SLC16A12: variants seen among roughly 807,000 people sequenced by gnomAD.
The protein encoded by SLC16A12 is monocarboxylate transporter 12.
A neutral mutation model predicts 42.4 loss-of-function variants in SLC16A12; 17 were observed. The observed-to-expected ratio is 0.40, with a 90% CI of 0.27 to 0.60. The LOEUF is 0.60. SLC16A12 is among the 20% of genes least tolerant of loss of function. The pLI is 0.42. For synonymous variants in SLC16A12, 224 were observed against 229.4 expected, an observed-to-expected ratio of 0.98 and a Z score of 0.21; for missense variants, 544 against 623.0, an observed-to-expected ratio of 0.87 and a Z score of 1.35.
intron 2 of SLC16A12, 138 bp from the exon 3 acceptor site, chr10:89,462,762 C>A: frequency 1.0e-6 from 1 of 952,870 alleles, no homozygotes. Context: ...CTGGGGCAGA[C>A]TATTTGTTGT....
chr10:89,504,938 T>C (rs1298723765), intron 2 of SLC16A12, among the ~76,000 whole-genome samples: 1 of 151,922 alleles, frequency 6.6e-6, no homozygotes, highest in Non-Finnish European at 1.5e-5. Context: ...CCAGGGAGCA[T>C]AAGTCTCAAG....
rs182083070 is a variant in SLC16A12, at chr10:89,522,641, T to G, written c.-47+11860A>C. Among the ~76,000 whole-genome samples, 236 of 152,284 alleles carry G rather than the reference T, an allele frequency of 1.5e-3. 1 individual carries two copies. Among genetic ancestry groups the G allele is most frequent in the Admixed American group, 2.6e-3 (39 of 15,292 alleles). On this transcript the variant is annotated intron_variant, in intron 2 of 7. Transcript: ENST00000371790. The stretch of plus-strand genomic sequence containing the variant: ...CCTTACATACACTGGTTATTTGAAG[T>G]CTTAAGTACTCCATGTGCCCCTCAT...
At chr10:89,488,083 A>T (rs1036683320) in intron 2 of SLC16A12, among the ~76,000 whole-genome samples, 1 of 150,038 alleles carries the variant, frequency 6.7e-6, no homozygotes, top group African/African-American at 2.4e-5. Flanking sequence ...ATATACACAT[A>T]TATAAAATCA....
At position 89,462,632 on chromosome 10, in the gene SLC16A12, CA is replaced by C; in HGVS notation, c.-46-9del. 1 of 1,531,366 alleles carries C rather than the reference CA, an allele frequency of 6.5e-7. No homozygotes were observed. Among genetic ancestry groups the C allele is most frequent in the Middle Eastern group, 1.9e-4 (1 of 5,192 alleles). The allele number at this position is 1,531,366 out of a possible 1,614,324, so 94.9% of individuals were successfully genotyped here. ...CCATGGGTTACTCGCCATCTAAAAC[CA>C]AAAATCAGGACATATTTATATCTTA... On this transcript the variant is annotated splice_polypyrimidine_tract_variant and intron_variant, in intron 2 of 7. Transcript: ENST00000371790.
At chr10:89,527,321 A>T (rs753023993) in intron 2 of SLC16A12, among the ~76,000 whole-genome samples, 43 of 152,040 alleles carry the variant, frequency 2.8e-4, no homozygotes, top group South Asian at 1.5e-3. Flanking sequence ...CGTCTCTACT[A>T]AAAATACAAA....
At chr10:89,542,730 T>A (rs1843722277) in intron 2 of SLC16A12, among the ~76,000 whole-genome samples, 1 of 152,230 alleles carries the variant, frequency 6.6e-6, no homozygotes, top group Non-Finnish European at 1.5e-5. Context: ...CCCGCCCAAC[T>A]ATACAGCTAA....
intron 2 of SLC16A12, among the ~76,000 whole-genome samples, chr10:89,478,610 A>G (rs1398279741): frequency 1.3e-5 from 2 of 152,218 alleles, no homozygotes; most frequent in Non-Finnish European, 2.9e-5. Flanking sequence ...TGTGAAACCA[A>G]CTTCCTCTTT....
Position 89,467,620 on chromosome 10 carries a change from G to A in SLC16A12, c.-46-4996C>T, listed in dbSNP as rs570974261. Among the ~76,000 whole-genome samples, 6 of 152,254 alleles carry A rather than the reference G, an allele frequency of 3.9e-5. No homozygotes were observed. In the South Asian group the frequency reaches 1.0e-3, roughly 26 times the overall value. On this transcript the variant is annotated intron_variant, in intron 2 of 7. Coordinates refer to ENST00000371790, the MANE Select transcript of SLC16A12 (RefSeq NM_213606.4). ...AAAAAGACGCTCATCTACTTTGTGA[G>A]GGAAGCTATGTAAAGCTTATGTAAA... is the stretch of plus-strand genomic sequence containing the variant.
At chr10:89,517,283 G>A (rs1030582501) in intron 2 of SLC16A12, among the ~76,000 whole-genome samples, 17 of 151,986 alleles carry the variant, frequency 1.1e-4, no homozygotes, top group East Asian at 5.8e-4. Flanking sequence ...GCAGGGCGAC[G>A]GGACAGAATA....
chr10:89,474,186 A>G (rs1842542555), intron 2 of SLC16A12, among the ~76,000 whole-genome samples: 1 of 152,094 alleles, frequency 6.6e-6, no homozygotes. Context: ...ATCTCTGTGT[A>G]TGCCTTTCCT....
At chr10:89,510,130 G>A (rs2138042) in intron 2 of SLC16A12, among the ~76,000 whole-genome samples, 32,043 of 152,030 alleles carry the variant, frequency 0.21, 3,912 homozygotes, top group African/African-American at 0.32. Context: ...GGATAGGAAG[G>A]ATCAATATCG....
At chr10:89,488,585 T>A (rs902371432) in intron 2 of SLC16A12, among the ~76,000 whole-genome samples, 1 of 152,204 alleles carries the variant, frequency 6.6e-6, no homozygotes, top group African/African-American at 2.4e-5. Flanking sequence ...AGCTTTAATA[T>A]ATTGGGTCAC....
chr10:89,483,754 C>CAAAAAAAAAAAAAAAAA (rs796203412), intron 2 of SLC16A12, among the ~76,000 whole-genome samples: 1 of 102,396 alleles, frequency 9.8e-6, no homozygotes. Flanking sequence ...AAAAAAAAAA[C>CAAAAAAAAAAAAAAAAA]AAAAAAAAAA....
At chr10:89,448,296 AAC>A (rs146059729) in intron 3 of SLC16A12, among the ~76,000 whole-genome samples, 2 of 151,686 alleles carry the variant, frequency 1.3e-5, no homozygotes, top group South Asian at 2.1e-4. Context: ...GTCTGGCAAA[AAC>A]ACACACACAC....
chr10:89,508,544 A>C (rs1843106690), intron 2 of SLC16A12, among the ~76,000 whole-genome samples: 1 of 152,040 alleles, frequency 6.6e-6, no homozygotes, highest in Admixed American at 6.5e-5. Flanking sequence ...AAAAAGACAC[A>C]ACATACCAGA....
chr10:89,490,984 C>A (rs1025181390), intron 2 of SLC16A12, among the ~76,000 whole-genome samples: 1 of 152,166 alleles, frequency 6.6e-6, no homozygotes, highest in African/African-American at 2.4e-5. Flanking sequence ...GAGACAAAAA[C>A]CAAATACTAT....
intron 2 of SLC16A12, among the ~76,000 whole-genome samples, chr10:89,484,681 C>A (rs1488820940): frequency 6.6e-6 from 1 of 152,204 alleles, no homozygotes. Flanking sequence ...GTGCTCTTAA[C>A]CACTGCACTG....
At chr10:89,435,845 C>A (rs1236571145) in intron 7 of SLC16A12, among the ~76,000 whole-genome samples, 1 of 152,108 alleles carries the variant, frequency 6.6e-6, no homozygotes, top group Non-Finnish European at 1.5e-5. Flanking sequence ...TTACTCTTTC[C>A]AGGTAGGCTA....
At chr10:89,519,628 C>G (rs1843316813) in intron 2 of SLC16A12, among the ~76,000 whole-genome samples, 1 of 151,522 alleles carries the variant, frequency 6.6e-6, no homozygotes, top group Non-Finnish European at 1.5e-5. Flanking sequence ...TTAGCTTCCC[C>G]CCGAGACTTT....
Sources: gnomAD v4.1 joint callset for allele counts (sites outside exome capture counted in the v4.1 genomes callset) on GRCh38, gnomAD v4.1.1 for gene constraint, MANE v1.5 for transcripts, NCBI Gene and HGNC (gene_info 2026-07-23, HGNC 2026-07-21) for gene names.